JDP2: variants seen among roughly 807,000 people sequenced by gnomAD.
The protein encoded by JDP2 is Jun dimerization protein 2, also known as progesterone receptor co-activator.
JDP2 carries 9 observed loss-of-function variants against 17.1 expected under a neutral mutation model. The observed-to-expected ratio is 0.53, with a 90% CI of 0.32 to 0.92. The LOEUF is 0.92. Ranked by LOEUF, JDP2 falls within the 40% of genes least tolerant of loss-of-function variation. The pLI is 0.04. For missense variants in JDP2, 179 were observed against 220.0 expected, an observed-to-expected ratio of 0.81 and a Z score of 1.18; for synonymous variants, 107 against 95.6, an observed-to-expected ratio of 1.12 and a Z score of -0.69.
intron 1 of JDP2, 140 bp from the exon 2 acceptor site, chr14:75,437,758 G>T (rs1885135417): frequency 1.7e-6 from 1 of 602,688 alleles, no homozygotes; most frequent in Non-Finnish European, 2.8e-6. Flanking sequence ...GGACTTTACG[G>T]CAGGAAGAGC....
intron 1 of JDP2, among the ~76,000 whole-genome samples, chr14:75,436,707 C>A (rs1885080224): frequency 6.6e-6 from 1 of 152,250 alleles, no homozygotes; most frequent in South Asian, 2.1e-4. Flanking sequence ...GGCAGACCAG[C>A]TTTCTTCACT....
chr14:75,436,864 C>G (rs1049758315), intron 1 of JDP2, among the ~76,000 whole-genome samples: 4 of 152,176 alleles, frequency 2.6e-5, no homozygotes, highest in Non-Finnish European at 4.4e-5. Context: ...TTTGGTTGGG[C>G]AGAGCTGGAA....
intron 2 of JDP2, among the ~76,000 whole-genome samples, chr14:75,441,619 G>A (rs903152687): frequency 1.3e-5 from 2 of 152,250 alleles, no homozygotes; most frequent in African/African-American, 2.4e-5. Flanking sequence ...GACCAAGGAC[G>A]TGGCAGTGGT....
chr14:75,454,173 T>TCCCCACCTTTAAGC (rs67292628), intron 2 of JDP2, among the ~76,000 whole-genome samples: 1 of 151,416 alleles, frequency 6.6e-6, no homozygotes, highest in Admixed American at 6.6e-5. Context: ...GCTGGTGACG[T>TCCCCACCTTTAAGC]CCCCTCCTTT....
At position 75,428,331 on chromosome 14, in the gene JDP2, GC is replaced by G. The variant is rs1487484475; in HGVS notation, c.-24+84del. ...CGCGGCGCGGGCACCTGGGACGGCCGCCCCCGCACGGGCGGAGCGCGAGGAG... is the reference window on the plus strand; with the variant it reads ...CGCGGCGCGGGCACCTGGGACGGCCGCCCCGCACGGGCGGAGCGCGAGGAG... On this transcript the variant is annotated intron_variant, in intron 1 of 3. Transcript: ENST00000651602. The surrounding 1 kb of genome is among the most constrained non-coding windows in gnomAD (Gnocchi z 5.6). The G allele has an allele frequency of 3.4e-5, 5 of 148,640 alleles. No individual in the cohort carries two copies. Among genetic ancestry groups the G allele is most frequent in the Non-Finnish European group, 6.0e-5 (4 of 66,706 alleles). The allele number at this position is 148,640 out of a possible 1,614,324, so 9.2% of individuals were successfully genotyped here.
At chr14:75,462,636 G>A (rs1283216590) in intron 3 of JDP2, among the ~76,000 whole-genome samples, 1 of 152,166 alleles carries the variant, frequency 6.6e-6, no homozygotes, top group Admixed American at 6.5e-5. Context: ...TGTACTAAAT[G>A]TGCATCCGTG....
At position 75,432,794 on chromosome 14, in the gene JDP2, C is replaced by T. The variant is rs1222451669; in HGVS notation, c.-24+4542C>T. On this transcript the variant is annotated intron_variant, in intron 1 of 3. Transcript: ENST00000651602. Reference sequence around the variant, plus strand: ...CTCTTAACCTGTTTCTTTTTATTTACCTTTGCCATTCTGGATGAAAATGCT... The same window carrying T: ...CTCTTAACCTGTTTCTTTTTATTTATCTTTGCCATTCTGGATGAAAATGCT... Among the ~76,000 whole-genome samples, 4 of 152,144 alleles carry T rather than the reference C, an allele frequency of 2.6e-5. No homozygotes were observed. In the East Asian group the frequency reaches 7.7e-4, roughly 29 times the overall value.
intron 2 of JDP2, among the ~76,000 whole-genome samples, chr14:75,440,726 G>A (rs559381072): frequency 3.9e-5 from 6 of 152,314 alleles, no homozygotes; most frequent in East Asian, 1.9e-4. Context: ...GATGGCTGCC[G>A]TTACAGCCGG....
At chr14:75,426,990 G>A (rs1320466804), upstream of JDP2, 1 of 152,234 alleles carries the variant, frequency 6.6e-6, no homozygotes, top group African/African-American at 2.4e-5. This position sits in a 1 kb window ranked among gnomAD's most constrained non-coding sequence, Gnocchi z 4.2. Context: ...TGGGTACCCA[G>A]GAGCTCTGGA....
In JDP2 at chr14:75,471,058, C is replaced by T. The variant is rs190626534; in HGVS notation, c.*1583C>T. The T allele has an allele frequency of 3.3e-5, 5 of 152,336 alleles. No individual in the cohort carries two copies. In the East Asian group the frequency reaches 5.8e-4, roughly 18 times the overall value. 9.4% of individuals were successfully genotyped at this position (152,336 alleles called of 1,614,324 possible). ...GATAGAGCTGGTGTTTGAACTCTCCCTCCAGAGGCCTGTGACTCTCCTCCT... is the reference window on the plus strand; with the variant it reads ...GATAGAGCTGGTGTTTGAACTCTCCTTCCAGAGGCCTGTGACTCTCCTCCT... On this transcript the variant is annotated 3_prime_UTR_variant, in exon 4 of 4. Transcript: ENST00000651602.
At chr14:75,449,036 G>A (rs1237415508) in intron 2 of JDP2, among the ~76,000 whole-genome samples, 4 of 152,192 alleles carry the variant, frequency 2.6e-5, no homozygotes, top group Admixed American at 6.5e-5. Flanking sequence ...CTTTCACCTC[G>A]GTAGGGTTTA....
At chr14:75,440,649 G>A (rs1035804697) in intron 2 of JDP2, among the ~76,000 whole-genome samples, 1 of 152,202 alleles carries the variant, frequency 6.6e-6, no homozygotes, top group Non-Finnish European at 1.5e-5. Flanking sequence ...GAGGTCTAGG[G>A]AGGGGGTTCA....
intron 1 of JDP2, among the ~76,000 whole-genome samples, chr14:75,431,602 G>A (rs1014615724): frequency 1.3e-5 from 2 of 152,218 alleles, no homozygotes; most frequent in African/African-American, 4.8e-5. Context: ...AGGAAACCGA[G>A]GCCGAGGGCA....
At chr14:75,467,787 A>G (rs1006737088) in intron 3 of JDP2, among the ~76,000 whole-genome samples, 4 of 152,096 alleles carry the variant, frequency 2.6e-5, no homozygotes, top group Non-Finnish European at 5.9e-5. Flanking sequence ...ACAGAGGACC[A>G]GGCCAGCTTC....
chr14:75,444,796 C>G (rs762913832), intron 2 of JDP2, among the ~76,000 whole-genome samples: 7 of 152,212 alleles, frequency 4.6e-5, no homozygotes, highest in Non-Finnish European at 1.0e-4. Flanking sequence ...CAGCACTAAC[C>G]TTTCTGAAGT....
At chr14:75,443,032 C>T (rs1382939277) in intron 2 of JDP2, among the ~76,000 whole-genome samples, 2 of 152,080 alleles carry the variant, frequency 1.3e-5, no homozygotes, top group African/African-American at 2.4e-5. Flanking sequence ...GGAGAGGAGA[C>T]TTAACTGTCT....
At position 75,428,126 on chromosome 14, in the gene JDP2, C is replaced by CG. The variant is rs1256810463; in HGVS notation, c.-147dup. The CG allele has an allele frequency of 6.8e-6, 1 of 146,138 alleles. No individual in the cohort carries two copies. The highest frequency in any genetic ancestry group is 1.5e-5 in the Non-Finnish European group (1 of 65,636). 9.1% of individuals were successfully genotyped at this position (146,138 alleles called of 1,614,324 possible). ...GCGGGGCTGGCGCCGCGGCGGCTCC[C>CG]GGGCCGGGACAGGCCTGGGCACCGG... On this transcript the variant is annotated 5_prime_UTR_variant, in exon 1 of 4. Transcript: ENST00000651602. The surrounding 1 kb of genome is among the most constrained non-coding windows in gnomAD (Gnocchi z 5.6).
chr14:75,430,156 A>AT lies in JDP2; in HGVS notation c.-24+1911dup, dbSNP rs1318085063. Among the ~76,000 whole-genome samples the AT allele has an allele frequency of 6.6e-6, 1 of 152,018 alleles. No homozygotes were observed. The highest frequency in any genetic ancestry group is 1.5e-5 in the Non-Finnish European group (1 of 68,004). Reference sequence around the variant, plus strand: ...CTACCTGTTTGTAGGATGTGTGGGCATTTTTTTCCAACCTGCAGAATCCCT... The same window carrying AT: ...CTACCTGTTTGTAGGATGTGTGGGCATTTTTTTTCCAACCTGCAGAATCCCT... On this transcript the variant is annotated intron_variant, in intron 1 of 3. Transcript: ENST00000651602. The surrounding 1 kb of genome is among the most constrained non-coding windows in gnomAD (Gnocchi z 4.5).
rs1566740862 is a variant in JDP2, at chr14:75,447,333, G to C, written c.201+9212G>C. On this transcript the variant is annotated intron_variant, in intron 2 of 3. Transcript: ENST00000651602. ...AACTTCTTTTGTAGACGTCATCTCT[G>C]ATCTGTTCCAACAACCCTATGAGGT... Among the ~76,000 whole-genome samples, 3 of 152,200 alleles carry C rather than the reference G, an allele frequency of 2.0e-5. No homozygotes were observed. In the East Asian group the frequency reaches 5.8e-4, roughly 29 times the overall value.
Sources: allele counts gnomAD v4.1 joint callset (sites outside exome capture counted in the v4.1 genomes callset), GRCh38; gene constraint gnomAD v4.1.1; non-coding constraint Gnocchi (gnomAD v3.1); transcripts MANE v1.5; gene names NCBI Gene and HGNC (gene_info 2026-07-23, HGNC 2026-07-21).